The following SPAG1 variants were observed in gnomAD, a reference collection of about 807,000 sequenced individuals.
SPAG1 encodes the protein sperm associated antigen 1, also known as sperm-associated antigen 1.
In SPAG1, 69 loss-of-function variants were observed where a neutral mutation model predicts 100.5. The observed-to-expected ratio is 0.69, with a 90% CI of 0.57 to 0.84. The LOEUF is 0.84. Ranked by LOEUF, SPAG1 falls within the 40% of genes least tolerant of loss-of-function variation. The pLI is 0.00. For synonymous variants in SPAG1, 336 were observed against 411.6 expected, an observed-to-expected ratio of 0.82 and a Z score of 2.22; for missense variants, 955 against 1,133.1, an observed-to-expected ratio of 0.84 and a Z score of 2.26.
chr8:100,213,077 C>T lies in SPAG1; in HGVS notation c.1097-13C>T, dbSNP rs891368527. The T allele has an allele frequency of 9.0e-6, 13 of 1,452,380 alleles. No individual in the cohort carries two copies. Among genetic ancestry groups the T allele is most frequent in the Non-Finnish European group, 1.2e-5 (13 of 1,109,358 alleles). 90.0% of individuals were successfully genotyped at this position (1,452,380 alleles called of 1,614,324 possible). A position where few individuals can be genotyped will look rare whatever the true frequency, so the allele number is the denominator to read the frequency against. ...GATGCAAACCCTCACTTCCCGCATC[C>T]ACTTCCTCACAGAGCCCGCGGAGCC... On this transcript the variant is annotated splice_polypyrimidine_tract_variant and intron_variant, in intron 10 of 18. Transcript: ENST00000388798.
In SPAG1 at chr8:100,233,430, C is replaced by T; in HGVS notation, c.2008C>T (p.Leu670=). ...YTNRALCYLK[L]CQFEEAKQDC... ...TGCCAGAGCTCTCTGTTACTTGAAG[C>T]TGTGCCAGTTTGAAGAAGCAAAGCA... is the stretch of plus-strand genomic sequence containing the variant. Residue 670 remains leucine, a synonymous_variant, in exon 16 of 19, where the codon CTG becomes TTG. Coordinates refer to ENST00000388798, the MANE Select transcript of SPAG1 (RefSeq NM_003114.5). 6.2e-7 allele frequency: 1 copy of T among 1,614,056 alleles called. No homozygotes were observed. The highest frequency in any genetic ancestry group is 2.2e-5 in the East Asian group (1 of 44,886).
chr8:100,210,498 T>A (rs1817675833), intron 10 of SPAG1, among the ~76,000 whole-genome samples: 1 of 152,180 alleles, frequency 6.6e-6, no homozygotes, highest in Non-Finnish European at 1.5e-5. Flanking sequence ...TGATAGTTGT[T>A]ATTGTTGACT....
At chr8:100,203,300 G>A (rs1168948971) in intron 10 of SPAG1, among the ~76,000 whole-genome samples, 1 of 152,094 alleles carries the variant, frequency 6.6e-6, no homozygotes, top group African/African-American at 2.4e-5. Flanking sequence ...GGGACCTTGT[G>A]ATTGTGAAAG....
intron 16 of SPAG1, among the ~76,000 whole-genome samples, chr8:100,236,343 A>G (rs1023453268): frequency 7.9e-5 from 12 of 152,334 alleles, no homozygotes; most frequent in Non-Finnish European, 1.6e-4. Flanking sequence ...GGGTCTCACT[A>G]TGTTGGCCAG....
chr8:100,221,817 A>G (rs1053515147), intron 13 of SPAG1, among the ~76,000 whole-genome samples: 2 of 152,242 alleles, frequency 1.3e-5, no homozygotes, highest in Admixed American at 6.5e-5. Flanking sequence ...GAAAATGAGA[A>G]TGGTAATTCA....
intron 2 of SPAG1, among the ~76,000 whole-genome samples, chr8:100,163,740 ACAT>A (rs759082397): frequency 5.9e-5 from 9 of 152,198 alleles, no homozygotes; most frequent in Non-Finnish European, 1.2e-4. Context: ...TGATGTGATA[ACAT>A]CATCATTTTT....
chr8:100,231,223 C>T lies in SPAG1; in HGVS notation c.1923C>T (p.Asp641=), dbSNP rs143972848. 3.6e-5 allele frequency: 57 copies of T among 1,605,026 alleles called. No individual in the cohort carries two copies. In the African/African-American group the frequency reaches 5.5e-4, roughly 15 times the overall value. The change falls in exon 15 of 19, where the codon GAC becomes GAT. Residue 641 remains aspartate, a synonymous_variant. Transcript: ENST00000388798. ...NQCVNDKNYK[D]ALSKYSECLK... ...GTGTAAATGACAAAAACTATAAAGA[C>T]GCCCTCAGTAAATACAGCGAATGCT... is the stretch of plus-strand genomic sequence containing the variant.
chr8:100,240,545 A>T lies in SPAG1; in HGVS notation c.2423A>T (p.Glu808Val). 1 of 1,614,140 alleles carries T rather than the reference A, an allele frequency of 6.2e-7. No homozygotes were observed. Among genetic ancestry groups the T allele is most frequent in the South Asian group, 1.1e-5 (1 of 91,078 alleles). ...ATAGCCAAGCCTAATAATGCCTATG[A>T]ATTTGGTCAGATTATAAATGCTCTC... ...LPIAKPNNAY[E>V]FGQIINALST... Residue 808 changes from glutamate to valine, a missense_variant, in exon 18 of 19, where the codon GAA (glutamate) becomes GTA (valine). By Grantham distance (121) the Glu-to-Val change is moderately radical (BLOSUM62 -2). Transcript: ENST00000388798.
rs764448315 is a variant in SPAG1 at position 100,162,413 on chromosome 8, G to A, written c.133G>A (p.Val45Met). 52 of 1,577,612 alleles carry A rather than the reference G, an allele frequency of 3.3e-5. No homozygotes were observed. Among genetic ancestry groups the A allele is most frequent in the South Asian group, 1.5e-4 (13 of 84,602 alleles). The change falls in exon 2 of 19, where the codon GTG becomes ATG. Residue 45 changes from valine (V) to methionine (M), a missense_variant. Coordinates refer to ENST00000388798, the MANE Select transcript of SPAG1 (RefSeq NM_003114.5). Reference protein sequence around the residue: ...DVKHLEKILCVLRSGEEGYYP... With the variant: ...DVKHLEKILCMLRSGEEGYYP... ...TAAACATCTGGAAAAAATTCTTTGC[G>A]TGCTCAGGTAAGCATTTTAAAATCA...
intron 10 of SPAG1, among the ~76,000 whole-genome samples, chr8:100,209,537 CTT>C (rs1040634720): frequency 9.9e-5 from 15 of 151,066 alleles, no homozygotes; most frequent in Non-Finnish European, 1.3e-4. Context: ...TAAGGATTGT[CTT>C]TTCCATTTCT....
At chr8:100,200,580 C>G (rs1037923639) in intron 10 of SPAG1, among the ~76,000 whole-genome samples, 24 of 152,254 alleles carry the variant, frequency 1.6e-4, no homozygotes, top group Admixed American at 9.2e-4. Flanking sequence ...AAAAGCGTTT[C>G]TATTTCTCCA....
chr8:100,206,327 T>G (rs904151722), intron 10 of SPAG1, among the ~76,000 whole-genome samples: 2 of 152,230 alleles, frequency 1.3e-5, no homozygotes, highest in African/African-American at 4.8e-5. Flanking sequence ...TGCCGTCAGC[T>G]GGCAAGGTTA....
chr8:100,233,731 G>T (rs1259518565), intron 16 of SPAG1, among the ~76,000 whole-genome samples, 194 bp downstream of exon 16: 1 of 152,198 alleles, frequency 6.6e-6, no homozygotes, highest in African/African-American at 2.4e-5. Flanking sequence ...AAACTAGATT[G>T]CTTCTAAGAT....
chr8:100,205,936 T>C (rs1817487857), intron 10 of SPAG1, among the ~76,000 whole-genome samples: 1 of 144,692 alleles, frequency 6.9e-6, no homozygotes, highest in South Asian at 2.2e-4. Context: ...GGAGAACTGC[T>C]TGAACCTGGG....
rs1406983839 is a variant in SPAG1, at chr8:100,213,357, T to G, written c.1364T>G (p.Leu455Arg). 2.8e-6 allele frequency: 4 copies of G among 1,426,772 alleles called. No individual in the cohort carries two copies. Among genetic ancestry groups the G allele is most frequent in the Middle Eastern group, 2.3e-4 (1 of 4,274 alleles). The allele number at this position is 1,426,772 out of a possible 1,614,324, so 88.4% of individuals were successfully genotyped here. ...PAGLKSQGNE[L>R]FRSGQFAEAA... ...GGCCTGAAGAGCCAGGGCAACGAGC[T>G]GTTCCGAAGCGGGCAGTTCGCCGAG... Residue 455 changes from leucine (L) to arginine (R), a missense_variant, in exon 11 of 19, where the codon CTG becomes CGG. Transcript: ENST00000388798.
Position 100,239,613 on chromosome 8 carries a change from G to C in SPAG1, c.2280+209G>C, listed in dbSNP as rs551274704. Reference sequence around the variant, plus strand: ...AACGTGGGTCCATGGATGGTACTGGGAGTCTCTGCATTACTGCAGTTCTTC... The same window carrying C: ...AACGTGGGTCCATGGATGGTACTGGCAGTCTCTGCATTACTGCAGTTCTTC... On this transcript the variant is annotated intron_variant, in intron 17 of 18. Coordinates refer to ENST00000388798, the MANE Select transcript of SPAG1 (RefSeq NM_003114.5). This position sits in a 1 kb window ranked among gnomAD's most constrained non-coding sequence, Gnocchi z 5.0. 8.5e-5 allele frequency among the ~76,000 whole-genome samples: 13 copies of C among 152,338 alleles called. No individual in the cohort carries two copies. The highest frequency in any genetic ancestry group is 3.9e-4 in the Admixed American group (6 of 15,300).
intron 10 of SPAG1, among the ~76,000 whole-genome samples, chr8:100,208,045 AC>A (rs1400806606): frequency 1.3e-5 from 2 of 152,170 alleles, no homozygotes; most frequent in Non-Finnish European, 2.9e-5. Flanking sequence ...TGGAAGTGGT[AC>A]CACTCACCAT....
chr8:100,222,950 C>G (rs1758083038), intron 13 of SPAG1, among the ~76,000 whole-genome samples: 1 of 152,194 alleles, frequency 6.6e-6, no homozygotes, highest in African/African-American at 2.4e-5. Flanking sequence ...CAGCCCCTGG[C>G]AACCACAATC....
At chr8:100,198,454 C>T (rs1343377435) in intron 10 of SPAG1, among the ~76,000 whole-genome samples, 1 of 151,990 alleles carries the variant, frequency 6.6e-6, no homozygotes, top group Non-Finnish European at 1.5e-5. Context: ...GGTGCTAGTA[C>T]AAAACTGGGC....
Sources: allele counts gnomAD v4.1 joint callset (sites outside exome capture counted in the v4.1 genomes callset), GRCh38; gene constraint gnomAD v4.1.1; non-coding constraint Gnocchi (gnomAD v3.1); transcripts MANE v1.5; gene names NCBI Gene and HGNC (gene_info 2026-07-23, HGNC 2026-07-21).